BUB1B: variants seen among roughly 807,000 people sequenced by gnomAD.
The protein encoded by BUB1B is BUB1 mitotic checkpoint serine/threonine kinase B, also known as mitotic checkpoint serine/threonine-protein kinase BUB1 beta.
A neutral mutation model predicts 137.7 loss-of-function variants in BUB1B; 86 were observed. The observed-to-expected ratio is 0.62, with a 90% CI of 0.52 to 0.75. The LOEUF is 0.75. Ranked by LOEUF, BUB1B falls within the 30% of genes least tolerant of loss-of-function variation. BUB1B has a pLI of 0.00. For synonymous variants in BUB1B, 420 were observed against 417.9 expected (o/e 1.00, Z -0.06); for missense variants, 1,130 against 1,236.9 (o/e 0.91, Z 1.30).
intron 9 of BUB1B, 31 bp from the exon 10 acceptor site, chr15:40,199,584 A>G: frequency 2.5e-6 from 4 of 1,574,034 alleles, no homozygotes; most frequent in Non-Finnish European, 3.5e-6. Flanking sequence ...ACTATGAGGA[A>G]TAATACCTCA....
intron 5 of BUB1B, among the ~76,000 whole-genome samples, chr15:40,182,461 T>G (rs2037306247): frequency 6.6e-6 from 1 of 152,220 alleles, no homozygotes; most frequent in Non-Finnish European, 1.5e-5. Context: ...TTCTTTGTCA[T>G]CTTGTGTGGC....
At position 40,177,050 on chromosome 15, in the gene BUB1B, A is replaced by G. The variant is rs2037232457; in HGVS notation, c.581+377A>G. Among the ~76,000 whole-genome samples the G allele has an allele frequency of 2.6e-5, 4 of 152,324 alleles. No homozygotes were observed. The South Asian group carries it at 6.2e-4, about 24-fold the overall frequency. ...CCATATAAATGGAATCGTATAATAT[A>G]TAGCCTTTTGAGTTTGGCCTGTTTG... On this transcript the variant is annotated intron_variant, in intron 5 of 22. Transcript: ENST00000287598.
intron 16 of BUB1B, 74 bp from the exon 17 acceptor site, chr15:40,209,559 TAC>T: frequency 6.4e-7 from 1 of 1,555,654 alleles, no homozygotes; most frequent in Admixed American, 1.7e-5. Flanking sequence ...TTTTTTCTTC[TAC>T]TCTGTTATAA....
intron 14 of BUB1B, among the ~76,000 whole-genome samples, chr15:40,203,215 G>A (rs183283825): frequency 6.6e-6 from 1 of 152,140 alleles, no homozygotes; most frequent in Non-Finnish European, 1.5e-5. Context: ...AATATTATTT[G>A]GCAACAAAAA....
Position 40,183,859 on chromosome 15 carries a change from A to G in BUB1B, c.727A>G (p.Ile243Val), listed in dbSNP as rs997764298. Residue 243 changes from isoleucine (I) to valine (V), a missense_variant, in exon 6 of 23, where the codon ATC (isoleucine) becomes GTC (valine). Transcript: ENST00000287598. ...KGKKTARAPIIRVGGALKAPS... is the reference protein window; with the variant it reads ...KGKKTARAPIVRVGGALKAPS... ...GAAAAAGACAGCAAGAGCTCCAATC[A>G]TCCGTGTAGGAGGTGCTCTCAAGGG... is the stretch of plus-strand genomic sequence containing the variant. 1 of 1,614,090 alleles carries G rather than the reference A, an allele frequency of 6.2e-7. No individual in the cohort carries two copies. The highest frequency in any genetic ancestry group is 8.5e-7 in the Non-Finnish European group (1 of 1,179,956).
intron 2 of BUB1B, 80 bp from the exon 3 acceptor site, chr15:40,169,982 A>C: frequency 1.7e-6 from 2 of 1,146,266 alleles, no homozygotes; most frequent in Non-Finnish European, 1.3e-6. Flanking sequence ...TACTTATTAC[A>C]TGAATAAAAA....
Position 40,206,399 on chromosome 15 carries a change from G to A in BUB1B, c.1950G>A (p.Glu650=). Residue 650 remains glutamate, a synonymous_variant, in exon 15 of 23, where the codon GAG becomes GAA. Coordinates refer to ENST00000287598, the MANE Select transcript of BUB1B (RefSeq NM_001211.6). ...PEEDLDVKTS[E]DQQTACGTIY... is the part of the protein sequence containing the mutation. Reference sequence around the variant, plus strand: ...AAGATCTAGATGTAAAGACCTCTGAGGACCAGCAGACAGCTTGTGGCACTA... The same window carrying A: ...AAGATCTAGATGTAAAGACCTCTGAAGACCAGCAGACAGCTTGTGGCACTA... 6.2e-7 allele frequency: 1 copy of A among 1,614,198 alleles called. No individual in the cohort carries two copies. The highest frequency in any genetic ancestry group is 8.5e-7 in the Non-Finnish European group (1 of 1,180,038).
chr15:40,207,539 C>T (rs1462516681), intron 15 of BUB1B, among the ~76,000 whole-genome samples: 1 of 151,940 alleles, frequency 6.6e-6, no homozygotes, highest in Non-Finnish European at 1.5e-5. Flanking sequence ...CTAACCTTTT[C>T]TTCTTGAAGA....
At chr15:40,191,351 A>G (rs2037435328) in intron 8 of BUB1B, among the ~76,000 whole-genome samples, 1 of 152,196 alleles carries the variant, frequency 6.6e-6, no homozygotes, top group Non-Finnish European at 1.5e-5. Context: ...AGAGTCTTTT[A>G]TGTATTCTAG....
chr15:40,186,386 C>G (rs1301264659), intron 8 of BUB1B, among the ~76,000 whole-genome samples: 3 of 146,302 alleles, frequency 2.1e-5, no homozygotes, highest in Non-Finnish European at 4.5e-5. Flanking sequence ...GTTAAATAAA[C>G]AAGCCAGCCT....
At position 40,161,101 on chromosome 15, in the gene BUB1B, C is replaced by G; in HGVS notation, c.-120C>G. The G allele has an allele frequency of 7.5e-7, 1 of 1,332,380 alleles. No homozygotes were observed. The highest frequency in any genetic ancestry group is 1.5e-5 in the African/African-American group (1 of 68,090). 82.5% of individuals were successfully genotyped at this position (1,332,380 alleles called of 1,614,324 possible). A position where few individuals can be genotyped will look rare whatever the true frequency, so the allele number is the denominator to read the frequency against. On this transcript the variant is annotated 5_prime_UTR_variant, in exon 1 of 23. Transcript: ENST00000287598. ...TGAGGTGGCCGGTTTGTTAGGGAGT[C>G]GTGTACGTGCCTTGGTCGCTTCTGT...
chr15:40,161,231 T>A lies in BUB1B; in HGVS notation c.11T>A (p.Val4Glu). The change falls in exon 1 of 23, where the codon GTG (valine) becomes GAG (glutamate). Residue 4 changes from valine to glutamate, a missense_variant. By Grantham distance (121) the Val-to-Glu change is moderately radical. Transcript: ENST00000287598. MAA[V>E]KKEGGALSEA... ...AGCCAGGAATGCAGGATGGCGGCGG[T>A]GAAGAAGGAAGGGGGTGCTCTGAGG... 6.2e-7 allele frequency: 1 copy of A among 1,613,058 alleles called. No individual in the cohort carries two copies. The highest frequency in any genetic ancestry group is 8.5e-7 in the Non-Finnish European group (1 of 1,179,566).
At chr15:40,218,635 T>G in intron 22 of BUB1B, 73 bp downstream of exon 22, 1 of 1,120,860 alleles carries the variant, frequency 8.9e-7, no homozygotes, top group East Asian at 2.4e-5. Context: ...CTATCTCTGC[T>G]TTGGCAGCCT....
intron 14 of BUB1B, among the ~76,000 whole-genome samples, chr15:40,204,981 C>G (rs796305829): frequency 2.3e-5 from 3 of 131,104 alleles, no homozygotes; most frequent in African/African-American, 5.8e-5. Flanking sequence ...GAGTTTCACT[C>G]TTGCACTCAG....
At chr15:40,185,765 G>T (rs1231867490) in intron 8 of BUB1B, 123 bp downstream of exon 8, 3 of 889,358 alleles carry the variant, frequency 3.4e-6, no homozygotes, top group Non-Finnish European at 5.5e-6. Flanking sequence ...AGGCGCAGTA[G>T]CTCACACCTG....
chr15:40,165,014 A>T (rs1162968268), intron 1 of BUB1B, 39 bp from the exon 2 acceptor site: 12 of 1,612,944 alleles, frequency 7.4e-6, no homozygotes, highest in Non-Finnish European at 1.0e-5. Flanking sequence ...ATAATAGTCA[A>T]TGTTGGTATG....
chr15:40,165,035 T>G lies in BUB1B; in HGVS notation c.36-18T>G, dbSNP rs779449809. 1.2e-6 allele frequency: 2 copies of G among 1,611,900 alleles called. No individual in the cohort carries two copies. The highest frequency in any genetic ancestry group is 3.3e-5 in the Admixed American group (2 of 59,988). On this transcript the variant is annotated intron_variant, in intron 1 of 22. Coordinates refer to ENST00000287598, the MANE Select transcript of BUB1B (RefSeq NM_001211.6). ...GTCAATGTTGGTATGAGATTTACAT[T>G]TGTTTCCTTCTTCACAGTGAAGCCA...
intron 15 of BUB1B, among the ~76,000 whole-genome samples, 187 bp from the exon 16 acceptor site, chr15:40,208,450 A>G (rs187577927): frequency 1.4e-3 from 216 of 152,244 alleles, no homozygotes; most frequent in African/African-American, 4.9e-3. Flanking sequence ...AGACAGGAGA[A>G]TCACTTGAAC....
chr15:40,217,884 G>A (rs2037820852), intron 21 of BUB1B, among the ~76,000 whole-genome samples: 1 of 152,118 alleles, frequency 6.6e-6, no homozygotes, highest in East Asian at 1.9e-4. Context: ...CTCTGTAACC[G>A]AGTGCCAGGG....
Sources: allele counts gnomAD v4.1 joint callset (sites outside exome capture counted in the v4.1 genomes callset), GRCh38; gene constraint gnomAD v4.1.1; transcripts MANE v1.5; gene names NCBI Gene and HGNC (gene_info 2026-07-23, HGNC 2026-07-21).